Variants in BRD10 observed in about 807,000 individuals in gnomAD.
BRD10 encodes the protein uncharacterized bromodomain-containing protein 10.
At chr9:5,959,082 C>G in the BRD10 span, among the ~76,000 whole-genome samples, 1 of 152,156 alleles carries the variant, frequency 6.6e-6, no homozygotes, top group Admixed American at 6.5e-5. Context: ...ACACCCATTT[C>G]TTTTTACCCT....
the BRD10 span, among the ~76,000 whole-genome samples, chr9:5,936,477 T>A: frequency 6.6e-6 from 1 of 152,232 alleles, no homozygotes; most frequent in Non-Finnish European, 1.5e-5. Flanking sequence ...AAAGAACTGG[T>A]TTCCCATAAG....
the BRD10 span, among the ~76,000 whole-genome samples, chr9:5,989,434 A>G: frequency 6.6e-6 from 1 of 150,770 alleles, no homozygotes; most frequent in Non-Finnish European, 1.5e-5. Context: ...CTCAAAAAAA[A>G]AAAAAAAGAA....
the BRD10 span, among the ~76,000 whole-genome samples, chr9:5,984,446 C>T: frequency 6.6e-6 from 1 of 151,936 alleles, no homozygotes; most frequent in African/African-American, 2.4e-5. Context: ...AAAAATAAAA[C>T]AACGAGGCAG....
the BRD10 span, among the ~76,000 whole-genome samples, chr9:5,942,953 C>T: frequency 1.3e-5 from 2 of 152,176 alleles, no homozygotes; most frequent in Non-Finnish European, 2.9e-5. Context: ...TCACAGCTCA[C>T]TGCAGCCTCG....
At chr9:5,929,758 A>T in the BRD10 span, among the ~76,000 whole-genome samples, 2 of 152,196 alleles carry the variant, frequency 1.3e-5, no homozygotes, top group African/African-American at 4.8e-5. Flanking sequence ...TATTTCACAT[A>T]TATATATATC....
At chr9:5,914,092 A>G in the BRD10 span, 2 of 445,636 alleles carry the variant, frequency 4.5e-6, no homozygotes, top group Non-Finnish European at 4.5e-6. Flanking sequence ...TGATCACAAT[A>G]GACAAAGTTG....
chr9:5,965,489 A>C, the BRD10 span, among the ~76,000 whole-genome samples: 2 of 152,210 alleles, frequency 1.3e-5, no homozygotes, highest in Non-Finnish European at 2.9e-5. Context: ...ACTTCAACTT[A>C]AGGTTTTCTA....
the BRD10 span, among the ~76,000 whole-genome samples, chr9:5,991,096 T>C: frequency 6.6e-6 from 1 of 152,150 alleles, no homozygotes; most frequent in Non-Finnish European, 1.5e-5. Flanking sequence ...CACTGCTAAA[T>C]GTAAAAAAGA....
the BRD10 span, chr9:5,908,606 C>T: frequency 6.4e-7 from 1 of 1,573,966 alleles, no homozygotes; most frequent in East Asian, 2.2e-5. Flanking sequence ...TACACTGTTG[C>T]CAAGCCCATA....
At chr9:5,991,342 A>G in the BRD10 span, among the ~76,000 whole-genome samples, 2 of 152,086 alleles carry the variant, frequency 1.3e-5, no homozygotes, top group African/African-American at 4.8e-5. Flanking sequence ...CATCTAGACT[A>G]CTGCAGTTGC....
the BRD10 span, chr9:5,969,401 GCTT>G: frequency 1.3e-6 from 2 of 1,581,918 alleles, no homozygotes; most frequent in South Asian, 1.2e-5. Context: ...CTTTTGACTA[GCTT>G]CTTCTGCTTC....
At chr9:5,976,258 G>A in the BRD10 span, among the ~76,000 whole-genome samples, 15 of 152,028 alleles carry the variant, frequency 9.9e-5, no homozygotes, top group African/African-American at 1.7e-4. Context: ...ATTTAATCAC[G>A]TTTATGTTAA....
chr9:5,935,685 T>A, the BRD10 span, among the ~76,000 whole-genome samples: 2 of 152,220 alleles, frequency 1.3e-5, no homozygotes, highest in African/African-American at 4.8e-5. Context: ...GCATGTTTAT[T>A]TGGCATAAGA....
the BRD10 span, among the ~76,000 whole-genome samples, chr9:5,950,758 C>T: frequency 3.3e-5 from 5 of 151,938 alleles, no homozygotes; most frequent in South Asian, 2.1e-4. Context: ...CTGAACCCTG[C>T]GGATACCAAA....
the BRD10 span, among the ~76,000 whole-genome samples, chr9:5,898,503 T>C: frequency 6.6e-6 from 1 of 152,196 alleles, no homozygotes; most frequent in Non-Finnish European, 1.5e-5. Context: ...AAGTTTCCAA[T>C]ACACGAATTT....
At chr9:5,968,154 T>C in the BRD10 span, 1 of 1,595,874 alleles carries the variant, frequency 6.3e-7, no homozygotes, top group Non-Finnish European at 8.6e-7. Context: ...AAAACATCTT[T>C]CAATTTCTTT....
At chr9:5,921,184 T>A in the BRD10 span, 2 of 1,613,948 alleles carry the variant, frequency 1.2e-6, no homozygotes, top group Non-Finnish European at 1.7e-6. Context: ...CTTCTCCTTT[T>A]GGGGTTACAT....
the BRD10 span, among the ~76,000 whole-genome samples, chr9:5,997,954 T>C: frequency 6.6e-5 from 10 of 152,128 alleles, 1 homozygote; most frequent in Non-Finnish European, 1.3e-4. Context: ...TAAAGGACAG[T>C]CAAGAACACT....
At chr9:5,959,728 A>C in the BRD10 span, among the ~76,000 whole-genome samples, 1 of 152,118 alleles carries the variant, frequency 6.6e-6, no homozygotes. Flanking sequence ...ATAATCAAAC[A>C]CTGTAGATTA....
Sources: allele counts gnomAD v4.1 joint callset (sites outside exome capture counted in the v4.1 genomes callset), GRCh38; gene constraint gnomAD v4.1.1; transcripts MANE v1.5; gene names NCBI Gene and HGNC (gene_info 2026-07-23, HGNC 2026-07-21).